Variants in GLCCI1 observed in about 807,000 individuals in gnomAD.
GLCCI1 encodes glucocorticoid induced 1.
Under a neutral mutation model 52.2 loss-of-function variants are expected in GLCCI1, and 24 were observed. The observed-to-expected ratio is 0.46, with a 90% confidence interval of 0.33 to 0.65. GLCCI1 has a LOEUF of 0.65. GLCCI1 is among the 30% of genes least tolerant of loss of function. The probability of loss-of-function intolerance (pLI) is 0.02; values close to 1 mark genes in which losing one functional copy is unlikely to be tolerated. For missense variants in GLCCI1, 704 were observed against 701.5 expected (o/e 1.00, Z -0.04); for synonymous variants, 310 against 276.5 (o/e 1.12, Z -1.20).
chr7:7,978,540 A>G (rs942423074), intron 1 of GLCCI1, among the ~76,000 whole-genome samples: 2 of 152,072 alleles, frequency 1.3e-5, no homozygotes, highest in Non-Finnish European at 2.9e-5. Context: ...CATTTTTTCA[A>G]TGTCATTTGT....
intron 2 of GLCCI1, among the ~76,000 whole-genome samples, chr7:8,016,447 C>CA (rs1196199266): frequency 6.6e-6 from 1 of 151,936 alleles, no homozygotes; most frequent in Non-Finnish European, 1.5e-5. Flanking sequence ...CCAGCCTGGA[C>CA]GACAGAGCGA....
chr7:8,023,203 T>C (rs1362236707), intron 3 of GLCCI1, among the ~76,000 whole-genome samples: 1 of 151,994 alleles, frequency 6.6e-6, no homozygotes, highest in Non-Finnish European at 1.5e-5. Context: ...TTTTAGTAGA[T>C]ACACGGTTTC....
At chr7:8,036,216 G>C (rs1781865792) in intron 3 of GLCCI1, among the ~76,000 whole-genome samples, 1 of 152,202 alleles carries the variant, frequency 6.6e-6, no homozygotes, top group Non-Finnish European at 1.5e-5. Flanking sequence ...CCTGGCCCAA[G>C]AGGCAGTGAG....
chr7:8,001,090 G>A (rs1321673442), intron 1 of GLCCI1, among the ~76,000 whole-genome samples: 2 of 152,178 alleles, frequency 1.3e-5, no homozygotes, highest in African/African-American at 4.8e-5. Flanking sequence ...TATGATGATA[G>A]CTGGTTATTT....
At chr7:8,031,379 A>T (rs1056689464) in intron 3 of GLCCI1, among the ~76,000 whole-genome samples, 2 of 152,086 alleles carry the variant, frequency 1.3e-5, no homozygotes, top group African/African-American at 4.8e-5. Flanking sequence ...GGATAGAAGG[A>T]TGGTTACTTA....
At chr7:8,014,046 A>T (rs867407052) in intron 2 of GLCCI1, among the ~76,000 whole-genome samples, 33 of 150,870 alleles carry the variant, frequency 2.2e-4, no homozygotes, top group African/African-American at 7.6e-4. Context: ...CTGGAGTGCA[A>T]TGGCACTGTC....
chr7:8,037,486 C>G (rs1367282074), intron 3 of GLCCI1, among the ~76,000 whole-genome samples: 1 of 152,146 alleles, frequency 6.6e-6, no homozygotes, highest in Non-Finnish European at 1.5e-5. Flanking sequence ...AGTTCCACAA[C>G]TGAGACTACA....
intron 1 of GLCCI1, among the ~76,000 whole-genome samples, chr7:8,002,150 A>G (rs1480572794): frequency 6.6e-6 from 1 of 152,200 alleles, no homozygotes; most frequent in Non-Finnish European, 1.5e-5. Context: ...TAGAACTAAA[A>G]TATAAAGGTC....
chr7:7,999,817 C>G (rs1781017826), intron 1 of GLCCI1, among the ~76,000 whole-genome samples: 1 of 151,598 alleles, frequency 6.6e-6, no homozygotes, highest in Admixed American at 6.6e-5. Flanking sequence ...GCAGGAGGAT[C>G]ACTTAAGTCT....
At chr7:8,067,677 A>G (rs763257926) in intron 5 of GLCCI1, among the ~76,000 whole-genome samples, 5 of 152,114 alleles carry the variant, frequency 3.3e-5, no homozygotes, top group East Asian at 3.9e-4. Context: ...ATAGGCTCCA[A>G]TCTCTTTTGG....
At chr7:8,008,732 A>C (rs749567292) in intron 2 of GLCCI1, among the ~76,000 whole-genome samples, 22 of 152,196 alleles carry the variant, frequency 1.4e-4, no homozygotes, top group Admixed American at 5.9e-4. Context: ...ACAAATACTG[A>C]ACTCAGATGT....
intron 5 of GLCCI1, among the ~76,000 whole-genome samples, chr7:8,065,770 C>G (rs369737831): frequency 6.6e-6 from 1 of 152,142 alleles, no homozygotes; most frequent in Admixed American, 6.5e-5. Context: ...GGTGGATTCA[C>G]TTTTTGATCT....
chr7:8,060,033 C>T, intron 4 of GLCCI1, 63 bp from the exon 5 acceptor site: 1 of 1,319,548 alleles, frequency 7.6e-7, no homozygotes, highest in Non-Finnish European at 1.0e-6. Context: ...ATTTACCATA[C>T]TCTTTAGTTC....
At chr7:8,002,299 CAAGG>C (rs1781065212) in intron 1 of GLCCI1, among the ~76,000 whole-genome samples, 1 of 151,984 alleles carries the variant, frequency 6.6e-6, no homozygotes, top group South Asian at 2.1e-4. Context: ...ATATATAAGA[CAAGG>C]AACTATATAT....
At chr7:8,058,807 G>A (rs1782455335) in intron 4 of GLCCI1, among the ~76,000 whole-genome samples, 1 of 152,094 alleles carries the variant, frequency 6.6e-6, no homozygotes, top group African/African-American at 2.4e-5. Flanking sequence ...ATAACTTTTG[G>A]GTTCCCAAAA....
In GLCCI1 at chr7:8,030,345, A is replaced by G. The variant is rs189187627; in HGVS notation, c.696+7776A>G. ...GAAACTGGATATGCCTATGCAGAGA[A>G]AGAAACCTGACTCCTTTTTTTCACC... On this transcript the variant is annotated intron_variant, in intron 3 of 7. Transcript: ENST00000223145. Among the ~76,000 whole-genome samples, 579 of 152,278 alleles carry G rather than the reference A, an allele frequency of 3.8e-3. 4 individuals carry two copies. The highest frequency in any genetic ancestry group is 0.013 in the African/African-American group (544 of 41,580).
At chr7:8,063,914 A>G (rs935971601) in intron 5 of GLCCI1, among the ~76,000 whole-genome samples, 2 of 152,088 alleles carry the variant, frequency 1.3e-5, no homozygotes, top group Non-Finnish European at 2.9e-5. Context: ...GGCATGAGAC[A>G]TCATACCTGG....
intron 1 of GLCCI1, chr7:7,982,089 G>T: frequency 4.3e-6 from 2 of 466,670 alleles, no homozygotes; most frequent in South Asian, 3.4e-5. Context: ...AGTCGTAGCT[G>T]ATCGCAAGAG....
chr7:7,984,986 A>G (rs1180557527), intron 1 of GLCCI1, among the ~76,000 whole-genome samples: 1 of 152,246 alleles, frequency 6.6e-6, no homozygotes, highest in Non-Finnish European at 1.5e-5. Context: ...CTTTAGTTAT[A>G]GTTCCCTAGG....
Sources: gnomAD v4.1 joint callset for allele counts (sites outside exome capture counted in the v4.1 genomes callset) on GRCh38, gnomAD v4.1.1 for gene constraint, MANE v1.5 for transcripts, NCBI Gene and HGNC (gene_info 2026-07-23, HGNC 2026-07-21) for gene names.